The following AGMO variants were observed in gnomAD, a reference collection of about 807,000 sequenced individuals.
The protein encoded by AGMO is glyceryl-ether monooxygenase.
Under a neutral mutation model 60.2 loss-of-function variants are expected in AGMO, and 75 were observed. The observed-to-expected ratio is 1.25, with a 90% confidence interval of 1.03 to 1.51. AGMO has a LOEUF of 1.51. Ranked by LOEUF, AGMO falls within the 40% of genes most tolerant of loss-of-function variation. The pLI is 0.00. For missense variants in AGMO, 763 were observed against 525.5 expected (o/e 1.45, Z -4.42); for synonymous variants, 261 against 177.1 (o/e 1.47, Z -3.76).
chr7:15,132,582 G>A, the AGMO span, among the ~76,000 whole-genome samples: 2 of 152,234 alleles, frequency 1.3e-5, no homozygotes, highest in East Asian at 1.9e-4. Flanking sequence ...TTAGTGACAG[G>A]GAAATAATGG....
chr7:15,538,521 G>A (rs1784535637), intron 3 of AGMO, among the ~76,000 whole-genome samples: 1 of 152,038 alleles, frequency 6.6e-6, no homozygotes, highest in Non-Finnish European at 1.5e-5. Flanking sequence ...GAGATTACAG[G>A]TATGAGCCAG....
rs183484237 is a variant in AGMO at position 15,261,204 on chromosome 7, T to G, written c.1264-59845A>C. ...ATTGAAACAAAAAAAATACAAAAGATAAATTAAACCAAAAGCTTGTTTTTG... is the reference window on the plus strand; with the variant it reads ...ATTGAAACAAAAAAAATACAAAAGAGAAATTAAACCAAAAGCTTGTTTTTG... On this transcript the variant is annotated intron_variant, in intron 12 of 12. Coordinates refer to ENST00000342526, the MANE Select transcript of AGMO (RefSeq NM_001004320.2). 7.7e-3 allele frequency among the ~76,000 whole-genome samples: 1,175 copies of G among 151,862 alleles called. 6 individuals are homozygous for G. The highest frequency in any genetic ancestry group is 0.012 in the Non-Finnish European group (805 of 67,832).
chr7:15,242,112 C>T (rs1782608666), intron 12 of AGMO, among the ~76,000 whole-genome samples: 1 of 152,080 alleles, frequency 6.6e-6, no homozygotes, highest in South Asian at 2.1e-4. Context: ...CCCAAAAATC[C>T]CTCTCTTTTG....
intron 2 of AGMO, among the ~76,000 whole-genome samples, chr7:15,547,141 T>C (rs1320929454): frequency 7.1e-6 from 1 of 140,538 alleles, no homozygotes; most frequent in African/African-American, 2.5e-5. Context: ...TAGAATGTAT[T>C]CCAGCATTGC....
At chr7:15,311,481 T>C (rs1780768130) in intron 12 of AGMO, among the ~76,000 whole-genome samples, 1 of 150,512 alleles carries the variant, frequency 6.6e-6, no homozygotes, top group African/African-American at 2.5e-5. Flanking sequence ...TGAGCAGAGG[T>C]AGTAAAAAAA....
chr7:15,499,464 G>A (rs1384932071), intron 3 of AGMO, among the ~76,000 whole-genome samples: 2 of 151,810 alleles, frequency 1.3e-5, no homozygotes. Flanking sequence ...TTACCTATCA[G>A]GCTGGCAAAT....
At chr7:15,225,296 C>G (rs971960938) in intron 12 of AGMO, among the ~76,000 whole-genome samples, 3 of 151,886 alleles carry the variant, frequency 2.0e-5, no homozygotes, top group African/African-American at 7.2e-5. Flanking sequence ...AAAAATTTGC[C>G]TTTATAATTA....
At chr7:15,284,096 G>A (rs1784038680) in intron 12 of AGMO, among the ~76,000 whole-genome samples, 1 of 151,984 alleles carries the variant, frequency 6.6e-6, no homozygotes, top group Non-Finnish European at 1.5e-5. Context: ...TAAGAGAAAA[G>A]TCTGTAGTGC....
intron 3 of AGMO, among the ~76,000 whole-genome samples, chr7:15,508,089 A>T (rs1783567896): frequency 1.3e-5 from 2 of 152,154 alleles, no homozygotes; most frequent in Admixed American, 1.3e-4. Context: ...ATAGCACCAA[A>T]AGGGAGTTTC....
At chr7:15,351,663 G>A (rs372181731) in intron 12 of AGMO, among the ~76,000 whole-genome samples, 11 of 152,278 alleles carry the variant, frequency 7.2e-5, no homozygotes, top group African/African-American at 2.2e-4. Context: ...TTGGCTTTAG[G>A]AAAATAATGA....
chr7:15,382,621 A>G (rs1206466682), intron 10 of AGMO, among the ~76,000 whole-genome samples: 1 of 152,174 alleles, frequency 6.6e-6, no homozygotes, highest in Non-Finnish European at 1.5e-5. Flanking sequence ...GGATGACTGG[A>G]GTTATTGCAA....
intron 12 of AGMO, among the ~76,000 whole-genome samples, chr7:15,278,044 G>T (rs1783849629): frequency 1.3e-5 from 2 of 152,078 alleles, no homozygotes; most frequent in African/African-American, 2.4e-5. Flanking sequence ...TGGTCCCAGG[G>T]CTCATGACTC....
intron 5 of AGMO, among the ~76,000 whole-genome samples, chr7:15,402,046 A>G (rs1295073331): frequency 1.3e-5 from 2 of 152,004 alleles, no homozygotes; most frequent in African/African-American, 4.8e-5. Context: ...TACTAAGCCC[A>G]GCTTCTCATA....
intron 12 of AGMO, among the ~76,000 whole-genome samples, chr7:15,247,412 T>C (rs1005691938): frequency 2.6e-5 from 3 of 116,670 alleles, no homozygotes; most frequent in Non-Finnish European, 5.3e-5. Context: ...GACTTGGAGA[T>C]TTCACACACA....
chr7:15,559,647 C>T (rs1413843915), intron 2 of AGMO, among the ~76,000 whole-genome samples: 1 of 152,040 alleles, frequency 6.6e-6, no homozygotes, highest in East Asian at 1.9e-4. Context: ...TTACCTTACA[C>T]TTGAGGCAAT....
At chr7:15,261,072 CATAA>C (rs1783255953) in intron 12 of AGMO, among the ~76,000 whole-genome samples, 3 of 152,024 alleles carry the variant, frequency 2.0e-5, no homozygotes, top group South Asian at 4.2e-4. Context: ...TCTGAATGAG[CATAA>C]ATAGACAATC....
chr7:15,383,967 G>C (rs1007721336), intron 10 of AGMO, among the ~76,000 whole-genome samples: 1 of 151,416 alleles, frequency 6.6e-6, no homozygotes, highest in African/African-American at 2.4e-5. Context: ...ACTGAGTCTC[G>C]CTCTGTCCCC....
chr7:15,186,790 C>T, the AGMO span, among the ~76,000 whole-genome samples: 2 of 152,190 alleles, frequency 1.3e-5, no homozygotes, highest in Non-Finnish European at 2.9e-5. Flanking sequence ...CCACCGCCCC[C>T]ACATGCTTCC....
At chr7:15,432,324 A>ATATATATG (rs887402418) in intron 3 of AGMO, among the ~76,000 whole-genome samples, 3 of 138,076 alleles carry the variant, frequency 2.2e-5, no homozygotes, top group Non-Finnish European at 3.1e-5. Flanking sequence ...GTGTGTGTAT[A>ATATATATG]TATGTATATA....
Sources: allele counts gnomAD v4.1 joint callset (sites outside exome capture counted in the v4.1 genomes callset), GRCh38; gene constraint gnomAD v4.1.1; transcripts MANE v1.5; gene names NCBI Gene and HGNC (gene_info 2026-07-23, HGNC 2026-07-21).